Variants in ATP13A3 observed in about 807,000 individuals in gnomAD.
ATP13A3 encodes polyamine-transporting ATPase 13A3.
ATP13A3 carries 59 observed loss-of-function variants against 158.1 expected under a neutral mutation model. The observed-to-expected ratio is 0.37, with a 90% CI of 0.30 to 0.46. ATP13A3 has a LOEUF of 0.46. ATP13A3 is among the 20% of genes least tolerant of loss of function. The probability of loss-of-function intolerance (pLI) is 1.00; values close to 1 mark genes in which losing one functional copy is unlikely to be tolerated. For synonymous variants in ATP13A3, 491 were observed against 504.3 expected (o/e 0.97, Z 0.35); for missense variants, 1,166 against 1,525.2 (o/e 0.76, Z 3.92).
intron 2 of ATP13A3, among the ~76,000 whole-genome samples, chr3:194,477,452 C>T (rs1223705431): frequency 6.6e-6 from 1 of 152,102 alleles, no homozygotes; most frequent in Non-Finnish European, 1.5e-5. Context: ...GGCATGCTCC[C>T]GCATCTCATC....
At chr3:194,449,044 TACACACACACAC>T (rs146993933) in intron 11 of ATP13A3, among the ~76,000 whole-genome samples, 16,612 of 134,920 alleles carry the variant, frequency 0.12, 1,004 homozygotes, top group South Asian at 0.23. Flanking sequence ...GATCCACCCC[TACACACACACAC>T]ACACACACAC....
At chr3:194,472,920 T>G (rs1357367370) in intron 2 of ATP13A3, among the ~76,000 whole-genome samples, 1 of 152,156 alleles carries the variant, frequency 6.6e-6, no homozygotes, top group Non-Finnish European at 1.5e-5. Flanking sequence ...AAATACTATA[T>G]GTTCTCACTT....
chr3:194,450,154 T>C lies in ATP13A3; in HGVS notation c.961A>G (p.Met321Val), dbSNP rs1252455236. ...TACTCATTTAGCTTACCTGTTAACA[T>C]GCTTTCGTTTACAATGCAGGTACCA... ...INGTCIVNES[M>V]LTGESVPVTK... Residue 321 changes from methionine (M) to valine (V), a missense_variant, in exon 11 of 34, where the codon ATG (methionine) becomes GTG (valine). Around this residue, in one of 3 missense-constraint regions of ATP13A3, gnomAD observed 997 missense variants for 1,341.2 expected, o/e 0.74. Coordinates refer to ENST00000645319, the MANE Select transcript of ATP13A3 (RefSeq NM_001367549.1). The C allele has an allele frequency of 1.2e-6, 2 of 1,613,718 alleles. No homozygotes were observed. Among genetic ancestry groups the C allele is most frequent in the Non-Finnish European group, 1.7e-6 (2 of 1,179,880 alleles).
intron 2 of ATP13A3, among the ~76,000 whole-genome samples, chr3:194,473,003 T>C (rs988688972): frequency 6.6e-6 from 1 of 151,972 alleles, no homozygotes; most frequent in Non-Finnish European, 1.5e-5. Context: ...AATGACTAGA[T>C]GAAGGAAGGG....
At chr3:194,430,899 A>G (rs367909795) in intron 24 of ATP13A3, 44 bp downstream of exon 24, 29 of 1,457,208 alleles carry the variant, frequency 2.0e-5, no homozygotes, top group Non-Finnish European at 2.6e-5. Flanking sequence ...AAATGAAACC[A>G]TCATTCATCA....
chr3:194,414,754 T>C (rs1366468970), intron 31 of ATP13A3, among the ~76,000 whole-genome samples: 2 of 152,052 alleles, frequency 1.3e-5, no homozygotes, highest in African/African-American at 2.4e-5. Flanking sequence ...CTTGAATAAA[T>C]AGTGGTACCA....
intron 24 of ATP13A3, among the ~76,000 whole-genome samples, chr3:194,430,528 TTCTGTCACATTA>T (rs1717141658): frequency 6.6e-6 from 1 of 152,232 alleles, no homozygotes; most frequent in Non-Finnish European, 1.5e-5. Flanking sequence ...ATTGTCCTAT[TTCTGTCACATTA>T]TCGGCAAATC....
chr3:194,425,338 T>C lies in ATP13A3; in HGVS notation c.3313+4A>G. 1 of 1,610,324 alleles carries C rather than the reference T, an allele frequency of 6.2e-7. No individual in the cohort carries two copies. The highest frequency in any genetic ancestry group is 8.5e-7 in the Non-Finnish European group (1 of 1,177,990). On this transcript the variant is annotated splice_donor_region_variant and intron_variant, in intron 30 of 33. Coordinates refer to ENST00000645319, the MANE Select transcript of ATP13A3 (RefSeq NM_001367549.1). Reference sequence around the variant, plus strand: ...GTGGAAATCACAATAAATGCCAAACTTACAATTTTTGTAGCAAGGTTGCCT... The same window carrying C: ...GTGGAAATCACAATAAATGCCAAACCTACAATTTTTGTAGCAAGGTTGCCT...
chr3:194,452,710 T>TC (rs1718894971), intron 10 of ATP13A3: 1 of 152,144 alleles, frequency 6.6e-6, no homozygotes, highest in Non-Finnish European at 1.5e-5. Flanking sequence ...TCTCTCAGCC[T>TC]CCCCTTATCA....
intron 10 of ATP13A3, chr3:194,450,669 A>G (rs536103602): frequency 6.1e-6 from 1 of 164,564 alleles, no homozygotes; most frequent in Admixed American, 5.8e-5. Flanking sequence ...CCTTGGAAAC[A>G]GAAGGAAGCA....
At chr3:194,421,130 A>AG (rs1287251070) in intron 30 of ATP13A3, among the ~76,000 whole-genome samples, 1 of 38,466 alleles carries the variant, frequency 2.6e-5, no homozygotes, top group South Asian at 9.3e-4. Context: ...ATATATATAT[A>AG]TATATAGTAT....
chr3:194,459,405 C>G lies in ATP13A3; in HGVS notation c.479+66G>C, dbSNP rs1719475500. The G allele has an allele frequency of 4.5e-6, 5 of 1,099,820 alleles. No individual in the cohort carries two copies. The South Asian group carries it at 5.3e-5, about 12-fold the overall frequency. 68.1% of individuals were successfully genotyped at this position (1,099,820 alleles called of 1,614,324 possible). ...GCAATTTTATGAATACTAGAATGGA[C>G]TCTTTTCTATCTAGAACGTTTTCAG... is the stretch of plus-strand genomic sequence containing the variant. On this transcript the variant is annotated intron_variant, in intron 6 of 33. Transcript: ENST00000645319.
chr3:194,421,362 G>A (rs1400128304), intron 30 of ATP13A3, among the ~76,000 whole-genome samples: 1 of 148,324 alleles, frequency 6.7e-6, no homozygotes, highest in African/African-American at 2.5e-5. Flanking sequence ...GACCATCCTG[G>A]CTAACACGGT....
At chr3:194,449,181 T>A (rs1449810229) in intron 11 of ATP13A3, among the ~76,000 whole-genome samples, 1 of 152,148 alleles carries the variant, frequency 6.6e-6, no homozygotes, top group Non-Finnish European at 1.5e-5. Flanking sequence ...AAATTCTTTT[T>A]AAAATTAATT....
chr3:194,458,325 G>C lies in ATP13A3; in HGVS notation c.479+1146C>G, dbSNP rs1040271313. Among the ~76,000 whole-genome samples the C allele has an allele frequency of 3.3e-5, 5 of 151,400 alleles. 1 individual carries two copies. The highest frequency in any genetic ancestry group is 3.3e-4 in the Admixed American group (5 of 15,228). ...TGATGACTTCTCCAGAAGGCAGCAG[G>C]GGCCAGTGCCAAGTCAAAAAAAAAA... On this transcript the variant is annotated intron_variant, in intron 6 of 33. Transcript: ENST00000645319.
At chr3:194,432,175 A>G (rs564512723) in intron 21 of ATP13A3, among the ~76,000 whole-genome samples, 1 of 152,350 alleles carries the variant, frequency 6.6e-6, no homozygotes, top group African/African-American at 2.4e-5. Flanking sequence ...CACTATTTGT[A>G]TCTACACAAT....
In ATP13A3 at chr3:194,459,979, A is replaced by G. The variant is rs900355168; in HGVS notation, c.226-8T>C. ...CCACATTTTGAATTCATCCTTAAAG[A>G]GAGAAAGGGATAACGGTAAGGAGTC... is the stretch of plus-strand genomic sequence containing the variant. On this transcript the variant is annotated splice_region_variant and splice_polypyrimidine_tract_variant and intron_variant, in intron 4 of 33. Coordinates refer to ENST00000645319, the MANE Select transcript of ATP13A3 (RefSeq NM_001367549.1). 6.2e-7 allele frequency: 1 copy of G among 1,605,046 alleles called. No homozygotes were observed. Among genetic ancestry groups the G allele is most frequent in the South Asian group, 1.1e-5 (1 of 89,628 alleles).
chr3:194,406,291 G>A (rs574472613), intron 33 of ATP13A3, among the ~76,000 whole-genome samples, 175 bp from the exon 34 acceptor site: 2 of 152,248 alleles, frequency 1.3e-5, no homozygotes, highest in South Asian at 2.1e-4. Flanking sequence ...TTGGCCGGGC[G>A]TGGTGGCTCA....
chr3:194,407,875 T>A (rs1200058172), intron 33 of ATP13A3, among the ~76,000 whole-genome samples: 1 of 152,188 alleles, frequency 6.6e-6, no homozygotes, highest in Non-Finnish European at 1.5e-5. Flanking sequence ...AGATAATGCC[T>A]TTCCAGTATA....
Sources: allele counts gnomAD v4.1 joint callset (sites outside exome capture counted in the v4.1 genomes callset), GRCh38; gene constraint gnomAD v4.1.1; regional missense constraint gnomAD v4.1.1; transcripts MANE v1.5; gene names NCBI Gene and HGNC (gene_info 2026-07-23, HGNC 2026-07-21).